EVPLL: variants seen among roughly 807,000 people sequenced by gnomAD.
EVPLL encodes the protein envoplakin-like protein.
EVPLL carries 39 observed loss-of-function variants against 46.2 expected under a neutral mutation model. The ratio of observed to expected loss-of-function variants is 0.84; its 90% CI spans 0.65 to 1.10. EVPLL has a LOEUF of 1.10. EVPLL is among the 50% of genes least tolerant of loss of function. The pLI is 0.00. For missense variants in EVPLL, 385 were observed against 412.6 expected (o/e 0.93, Z 0.58); for synonymous variants, 156 against 165.8 (o/e 0.94, Z 0.46).
rs1382118071 is a variant in EVPLL, at chr17:18,388,873, A to G, written c.*57A>G. ...CTTTTTCAGCTCTTGCCGCACGTGC[A>G]GAGAGAGAGGAACTTCCAGTGCCCG... On this transcript the variant is annotated 3_prime_UTR_variant, in exon 11 of 11. Transcript: ENST00000399134. The G allele has an allele frequency of 6.7e-6, 1 of 149,338 alleles. No homozygotes were observed. Among genetic ancestry groups the G allele is most frequent in the Non-Finnish European group, 1.5e-5 (1 of 67,208 alleles). 9.3% of individuals were successfully genotyped at this position (149,338 alleles called of 1,614,324 possible).
At chr17:18,384,780 G>A (rs1987714298) in intron 9 of EVPLL, among the ~76,000 whole-genome samples, 2 of 152,198 alleles carry the variant, frequency 1.3e-5, no homozygotes, top group African/African-American at 4.8e-5. Flanking sequence ...AGTGGGTGTG[G>A]TGCAGGGGGC....
Position 18,381,796 on chromosome 17 carries a change from G to A in EVPLL, c.346+66G>A. On this transcript the variant is annotated intron_variant, in intron 4 of 10. Transcript: ENST00000399134. This position sits in a 1 kb window ranked among gnomAD's most constrained non-coding sequence, Gnocchi z 4.2. ...GATACGGAACTGCATTTAACCCAGGGCCTGACTGTAGGCTTGAACAGTCAG... is the reference window on the plus strand; with the variant it reads ...GATACGGAACTGCATTTAACCCAGGACCTGACTGTAGGCTTGAACAGTCAG... 6.2e-7 allele frequency: 1 copy of A among 1,610,226 alleles called. No homozygotes were observed. The highest frequency in any genetic ancestry group is 8.5e-7 in the Non-Finnish European group (1 of 1,178,378).
rs780804947 is a variant in EVPLL at position 18,383,068 on chromosome 17, C to G, written c.555C>G (p.His185Gln). ...GGGCAGAGCCTGGGCAGCCTGTACACGCACTGCAGGGCTGCACGTGGCAGC... is the reference window on the plus strand; with the variant it reads ...GGGCAGAGCCTGGGCAGCCTGTACAGGCACTGCAGGGCTGCACGTGGCAGC... ...VARAEPGQPV[H>Q]ALQGCTWQLS... Residue 185 changes from histidine to glutamine, a missense_variant, in exon 7 of 11, where the codon CAC becomes CAG. His to Gln is a conservative substitution (Grantham distance 24). Transcript: ENST00000399134. 5.8e-6 allele frequency: 9 copies of G among 1,558,670 alleles called. No individual in the cohort carries two copies. In the South Asian group the frequency reaches 1.0e-4, roughly 18 times the overall value.
At position 18,383,048 on chromosome 17, in the gene EVPLL, G is replaced by A; in HGVS notation, c.535G>A (p.Glu179Lys). 6.4e-7 allele frequency: 1 copy of A among 1,560,670 alleles called. No individual in the cohort carries two copies. Reference protein sequence around the residue: ...PTEGGVVARAEPGQPVHALQG... With the variant: ...PTEGGVVARAKPGQPVHALQG... ...AGAGGGCGGCGTCGTGGCGCGGGCA[G>A]AGCCTGGGCAGCCTGTACACGCACT... The change falls in exon 7 of 11, where the codon GAG (glutamate) becomes AAG (lysine). Residue 179 changes from glutamate (E) to lysine (K), a missense_variant. Glu to Lys is a moderately conservative substitution (Grantham distance 56). Coordinates refer to ENST00000399134, the MANE Select transcript of EVPLL (RefSeq NM_001145127.2).
chr17:18,378,011 A>G lies in EVPLL; in HGVS notation c.-37+28A>G, dbSNP rs1370769348. 13 of 681,414 alleles carry G rather than the reference A, an allele frequency of 1.9e-5. No individual in the cohort carries two copies. In the Middle Eastern group the frequency reaches 8.8e-4, roughly 46 times the overall value. The allele number at this position is 681,414 out of a possible 1,614,324, so 42.2% of individuals were successfully genotyped here. On this transcript the variant is annotated intron_variant, in intron 1 of 10. Coordinates refer to ENST00000399134, the MANE Select transcript of EVPLL (RefSeq NM_001145127.2). ...GAGTGGGACTAGGGGATGGGGAGCC[A>G]GGGAGCTAGGGTGGGGGTGGTGCCA... is the stretch of plus-strand genomic sequence containing the variant.
At chr17:18,383,756 T>C in intron 9 of EVPLL, 169 bp downstream of exon 9, 1 of 630,198 alleles carries the variant, frequency 1.6e-6, no homozygotes, top group Non-Finnish European at 2.8e-6. Context: ...GCCGATCACT[T>C]GAGGTCAGGA....
chr17:18,386,622 G>A (rs2151632130), intron 9 of EVPLL, among the ~76,000 whole-genome samples: 1 of 152,182 alleles, frequency 6.6e-6, no homozygotes, highest in Non-Finnish European at 1.5e-5. Context: ...ACAAATCCCA[G>A]CACTGGTGCA....
Position 18,388,442 on chromosome 17 carries a change from C to T in EVPLL, c.*40+154C>T, listed in dbSNP as rs145659128. On this transcript the variant is annotated intron_variant, in intron 10 of 10. Transcript: ENST00000399134. ...GGATCTGGCCTCCATGGGAAGGACC[C>T]TGGGAGACCCAGCAGAGTGGGGTAC... 2,180 of 565,876 alleles carry T rather than the reference C, an allele frequency of 3.9e-3. 9 individuals carry two copies. The highest frequency in any genetic ancestry group is 0.025 in the Middle Eastern group (53 of 2,126). 35.1% of individuals were successfully genotyped at this position (565,876 alleles called of 1,614,324 possible). A position where few individuals can be genotyped will look rare whatever the true frequency, so the allele number is the denominator to read the frequency against.
At chr17:18,383,973 AAAAAT>A (rs1209182051) in intron 9 of EVPLL, among the ~76,000 whole-genome samples, 2 of 152,088 alleles carry the variant, frequency 1.3e-5, no homozygotes, top group East Asian at 3.9e-4. Context: ...ACTCCACCTA[AAAAAT>A]AAAATAAAAT....
rs567752730 is a variant in EVPLL at position 18,381,660 on chromosome 17, C to A, written c.276C>A (p.Tyr92Ter). The change falls in exon 4 of 11, where the codon TAC becomes TAA. Residue 92 changes from tyrosine (Y) to a stop codon, truncating the protein, a stop_gained. Coordinates refer to ENST00000399134, the MANE Select transcript of EVPLL (RefSeq NM_001145127.2). LOFTEE classifies it high-confidence loss of function. The surrounding 1 kb of genome is among the most constrained non-coding windows in gnomAD (Gnocchi z 4.2). Reference sequence around the variant, plus strand: ...AGTGTGCGGAGTACTGTGCCCTGTACGAGAAGATGGTGCTGCCGCCCCGAC... The same window carrying A: ...AGTGTGCGGAGTACTGTGCCCTGTAAGAGAAGATGGTGCTGCCGCCCCGAC... ...TQECAEYCALYEKMVLPPRRG... is the reference protein window; with the variant it reads ...TQECAEYCAL 1.2e-6 allele frequency: 2 copies of A among 1,614,142 alleles called. No homozygotes were observed. Among genetic ancestry groups the A allele is most frequent in the Admixed American group, 3.3e-5 (2 of 60,022 alleles).
Position 18,389,049 on chromosome 17 carries a change from C to G in EVPLL, c.*233C>G, listed in dbSNP as rs1194455564. ...CCAGACCTCATGCCACCTGCTGTAG[C>G]CACTGGGCTCAGCCCTGGAGCTGAG... On this transcript the variant is annotated 3_prime_UTR_variant, in exon 11 of 11. Transcript: ENST00000399134. The G allele has an allele frequency of 1.9e-5, 2 of 103,180 alleles. 1 individual carries two copies. Among genetic ancestry groups the G allele is most frequent in the African/African-American group, 8.3e-5 (2 of 24,096 alleles). The allele number at this position is 103,180 out of a possible 1,614,324, so 6.4% of individuals were successfully genotyped here.
Position 18,381,825 on chromosome 17 carries a change from A to G in EVPLL, c.346+95A>G, listed in dbSNP as rs1396534924. The G allele has an allele frequency of 1.8e-5, 29 of 1,578,722 alleles. No homozygotes were observed. In the Middle Eastern group the frequency reaches 6.1e-4, roughly 33 times the overall value. On this transcript the variant is annotated intron_variant, in intron 4 of 10. Coordinates refer to ENST00000399134, the MANE Select transcript of EVPLL (RefSeq NM_001145127.2). This position sits in a 1 kb window ranked among gnomAD's most constrained non-coding sequence, Gnocchi z 4.2. Reference sequence around the variant, plus strand: ...GACTGTAGGCTTGAACAGTCAGTGTATAGTGGTGTCTCAGGGGTCTGGGCA... The same window carrying G: ...GACTGTAGGCTTGAACAGTCAGTGTGTAGTGGTGTCTCAGGGGTCTGGGCA...
At chr17:18,379,897 G>A (rs1335948573) in intron 1 of EVPLL, 2 of 152,272 alleles carry the variant, frequency 1.3e-5, no homozygotes, top group African/African-American at 4.8e-5. Context: ...CTTTACGAGT[G>A]AGGAACCTCA....
intron 9 of EVPLL, chr17:18,386,386 C>T (rs569251446): frequency 6.6e-6 from 1 of 151,608 alleles, no homozygotes; most frequent in Non-Finnish European, 1.5e-5. Flanking sequence ...AGGACATCAA[C>T]ATAGGAATTT....
At chr17:18,384,929 TGGG>T (rs973966648) in intron 9 of EVPLL, among the ~76,000 whole-genome samples, 11 of 150,048 alleles carry the variant, frequency 7.3e-5, no homozygotes, top group Non-Finnish European at 1.6e-4. Flanking sequence ...TAGAAAGAGA[TGGG>T]GGAGAGACAG....
rs761518403 is a variant in EVPLL at position 18,382,525 on chromosome 17, G to T, written c.359G>T (p.Arg120Leu). The change falls in exon 5 of 11, where the codon CGC becomes CTC. Residue 120 changes from arginine to leucine, a missense_variant. By Grantham distance (102) the Arg-to-Leu change is moderately radical. Transcript: ENST00000399134. The part of the protein sequence containing the change: ...RAGAETEAGL[R>L]RPVWAGHGGA... The stretch of plus-strand genomic sequence containing the variant: ...GGCTCTCCTGCAGAAGCTGGTCTGC[G>T]CAGGCCAGTATGGGCCGGGCATGGC... The T allele has an allele frequency of 3.6e-5, 56 of 1,551,612 alleles. No individual in the cohort carries two copies. The highest frequency in any genetic ancestry group is 4.9e-5 in the Non-Finnish European group (56 of 1,147,024).
chr17:18,384,182 G>A (rs1479904793), intron 9 of EVPLL, among the ~76,000 whole-genome samples: 1 of 151,986 alleles, frequency 6.6e-6, no homozygotes, highest in Non-Finnish European at 1.5e-5. Flanking sequence ...AATATTTCAT[G>A]GGGGCCAGGT....
chr17:18,378,960 G>A (rs1221670876), intron 1 of EVPLL, among the ~76,000 whole-genome samples: 1 of 152,072 alleles, frequency 6.6e-6, no homozygotes, highest in Non-Finnish European at 1.5e-5. Flanking sequence ...CATGCCTGTA[G>A]TCAGAGCTAC....
At chr17:18,382,411 C>G in intron 4 of EVPLL, 102 bp from the exon 5 acceptor site, 1 of 1,494,890 alleles carries the variant, frequency 6.7e-7, no homozygotes, top group Non-Finnish European at 9.0e-7. Context: ...CGTCCACGCT[C>G]TGCCCAAATG....
Sources: gnomAD v4.1 joint callset for allele counts (sites outside exome capture counted in the v4.1 genomes callset) on GRCh38, gnomAD v4.1.1 for gene constraint, Gnocchi (gnomAD v3.1) non-coding constraint, MANE v1.5 for transcripts, NCBI Gene and HGNC (gene_info 2026-07-23, HGNC 2026-07-21) for gene names.